Variants in DLGAP1 observed in about 807,000 individuals in gnomAD.
The protein encoded by DLGAP1 is disks large-associated protein 1.
A neutral mutation model predicts 90.8 loss-of-function variants in DLGAP1; 11 were observed. The ratio of observed to expected loss-of-function variants is 0.12; its 90% confidence interval spans 0.08 to 0.20. DLGAP1 has a LOEUF of 0.20. Among genes scored for constraint, DLGAP1 ranks in the 10% least tolerant of loss-of-function variants. The pLI is 1.00. For missense variants in DLGAP1, 1,050 were observed against 1,333.8 expected (o/e 0.79, Z 3.31); for synonymous variants, 558 against 540.7 (o/e 1.03, Z -0.44).
In DLGAP1 at chr18:4,241,773, C is replaced by T. The variant is rs546418479; in HGVS notation, c.-266-90486G>A. ...TTAGATTCCTACACATTGGTGTTGT[C>T]CTGAATATTTTGGAAAGAAACTTAG... On this transcript the variant is annotated intron_variant, in intron 1 of 12. Coordinates refer to ENST00000315677, the MANE Select transcript of DLGAP1 (RefSeq NM_004746.4). 2.6e-5 allele frequency among the ~76,000 whole-genome samples: 4 copies of T among 152,236 alleles called. No homozygotes were observed. The South Asian group carries it at 8.3e-4, about 32-fold the overall frequency.
chr18:4,172,038 T>C lies in DLGAP1; in HGVS notation c.-266-20751A>G, dbSNP rs112785492. Among the ~76,000 whole-genome samples, 204 of 152,324 alleles carry C rather than the reference T, an allele frequency of 1.3e-3. 1 individual carries two copies. The highest frequency in any genetic ancestry group is 4.5e-3 in the African/African-American group (187 of 41,582). ...AAGACAATCATTATGATAATGAGTTTTTTCCTTCCTTTTCAAAGAGTTTCA... is the reference window on the plus strand; with the variant it reads ...AAGACAATCATTATGATAATGAGTTCTTTCCTTCCTTTTCAAAGAGTTTCA... On this transcript the variant is annotated intron_variant, in intron 1 of 12. Coordinates refer to ENST00000315677, the MANE Select transcript of DLGAP1 (RefSeq NM_004746.4).
At chr18:3,686,637 AT>A (rs1248240782) in intron 7 of DLGAP1, among the ~76,000 whole-genome samples, 1 of 150,404 alleles carries the variant, frequency 6.6e-6, no homozygotes, top group African/African-American at 2.5e-5. Flanking sequence ...AAGTGAAGAG[AT>A]CTAGCCTAGA....
chr18:3,806,984 G>C (rs1411253121), intron 5 of DLGAP1, among the ~76,000 whole-genome samples: 2 of 152,184 alleles, frequency 1.3e-5, no homozygotes, highest in Non-Finnish European at 2.9e-5. Flanking sequence ...GCTGAACCCA[G>C]GCTCCTAAGA....
At chr18:4,288,502 G>A (rs1042817036) in intron 1 of DLGAP1, among the ~76,000 whole-genome samples, 3 of 152,056 alleles carry the variant, frequency 2.0e-5, no homozygotes, top group African/African-American at 7.2e-5. Context: ...TTATCTGAAG[G>A]GCAGCTCCAG....
chr18:3,943,256 T>G (rs1173358845), intron 3 of DLGAP1, among the ~76,000 whole-genome samples: 1 of 152,176 alleles, frequency 6.6e-6, no homozygotes, highest in African/African-American at 2.4e-5. Context: ...TAACTGTTTT[T>G]GAAAGAAGAA....
chr18:4,394,802 C>A (rs1331881242), intron 1 of DLGAP1, among the ~76,000 whole-genome samples: 1 of 152,084 alleles, frequency 6.6e-6, no homozygotes, highest in Non-Finnish European at 1.5e-5. Flanking sequence ...ATTTTTAGAT[C>A]TGTTTTCTCT....
intron 3 of DLGAP1, among the ~76,000 whole-genome samples, chr18:3,973,911 C>T (rs1381340830): frequency 6.6e-6 from 1 of 152,164 alleles, no homozygotes; most frequent in East Asian, 1.9e-4. Flanking sequence ...ACCTAGACGG[C>T]ATAGCCTACC....
At chr18:4,239,805 A>G (rs1025970638) in intron 1 of DLGAP1, among the ~76,000 whole-genome samples, 2 of 152,314 alleles carry the variant, frequency 1.3e-5, no homozygotes, top group Middle Eastern at 3.4e-3. Context: ...AAGGTTTACA[A>G]AGAGAGATTA....
At chr18:4,032,743 C>T (rs1045495726) in intron 2 of DLGAP1, among the ~76,000 whole-genome samples, 5 of 150,190 alleles carry the variant, frequency 3.3e-5, no homozygotes, top group Non-Finnish European at 7.4e-5. Flanking sequence ...TTTCTGAGCC[C>T]ATGTACTCCC....
chr18:3,613,840 A>G (rs1347866635), intron 7 of DLGAP1, among the ~76,000 whole-genome samples: 1 of 152,224 alleles, frequency 6.6e-6, no homozygotes, highest in Non-Finnish European at 1.5e-5. Flanking sequence ...TTAAAGACTT[A>G]AAATATGTAA....
intron 4 of DLGAP1, among the ~76,000 whole-genome samples, chr18:3,870,855 C>T (rs1329868464): frequency 6.6e-6 from 1 of 152,132 alleles, no homozygotes; most frequent in South Asian, 2.1e-4. Flanking sequence ...TCCTTTGCTA[C>T]GTGGTTTACC....
At chr18:4,024,496 C>A (rs978459446) in intron 2 of DLGAP1, among the ~76,000 whole-genome samples, 1 of 152,154 alleles carries the variant, frequency 6.6e-6, no homozygotes, top group Admixed American at 6.5e-5. Flanking sequence ...ACAAGACAGG[C>A]AAAGGGGACG....
rs533216947 is a variant in DLGAP1 at position 4,072,722 on chromosome 18, G to A, written c.-158-67521C>T. Among the ~76,000 whole-genome samples, 8 of 152,148 alleles carry A rather than the reference G, an allele frequency of 5.3e-5. No individual in the cohort carries two copies. The East Asian group carries it at 1.2e-3, about 22-fold the overall frequency. ...TGACCTCAAGTGATCCACCCACCTC[G>A]GCCTCCCAAAGTGCTGGGATTACAG... is the stretch of plus-strand genomic sequence containing the variant. On this transcript the variant is annotated intron_variant, in intron 2 of 12. Coordinates refer to ENST00000315677, the MANE Select transcript of DLGAP1 (RefSeq NM_004746.4).
At position 4,454,249 on chromosome 18, in the gene DLGAP1, C is replaced by A. The variant is rs1433544742; in HGVS notation, c.-267+757G>T. Among the ~76,000 whole-genome samples the A allele has an allele frequency of 6.6e-6, 1 of 152,212 alleles. No individual in the cohort carries two copies. The highest frequency in any genetic ancestry group is 6.5e-5 in the Admixed American group (1 of 15,286). ...TGAAAGTGCAATGTGTTATCTCGCC[C>A]AGCCCAGAGGAGAGGTCCCTGTTTG... is the stretch of plus-strand genomic sequence containing the variant. On this transcript the variant is annotated intron_variant, in intron 1 of 12. Coordinates refer to ENST00000315677, the MANE Select transcript of DLGAP1 (RefSeq NM_004746.4). The surrounding 1 kb of genome is among the most constrained non-coding windows in gnomAD (Gnocchi z 4.7).
intron 1 of DLGAP1, among the ~76,000 whole-genome samples, chr18:4,387,729 G>A (rs965417992): frequency 1.3e-5 from 2 of 152,118 alleles, no homozygotes; most frequent in African/African-American, 2.4e-5. Context: ...TCAGGAGTTC[G>A]GGACTAGCCT....
intron 2 of DLGAP1, among the ~76,000 whole-genome samples, chr18:4,041,771 A>G (rs1322758112): frequency 6.6e-6 from 1 of 152,206 alleles, no homozygotes; most frequent in East Asian, 1.9e-4. Context: ...TTTCCTACAA[A>G]AGATGGTGAC....
intron 9 of DLGAP1, among the ~76,000 whole-genome samples, chr18:3,555,106 AG>A (rs773208698): frequency 4.0e-4 from 61 of 152,314 alleles, no homozygotes; most frequent in Non-Finnish European, 7.1e-4. Flanking sequence ...TTGCTTTTTA[AG>A]ATCCTATCTA....
At chr18:4,435,132 G>A (rs546639636) in intron 1 of DLGAP1, among the ~76,000 whole-genome samples, 11 of 152,262 alleles carry the variant, frequency 7.2e-5, no homozygotes, top group Admixed American at 5.2e-4. Context: ...TTTGGAGGAG[G>A]ATAAAATTGA....
intron 1 of DLGAP1, among the ~76,000 whole-genome samples, chr18:4,218,112 ATTTT>A (rs11388163): frequency 7.3e-6 from 1 of 136,914 alleles, no homozygotes. Flanking sequence ...ATCTGTTAGA[ATTTT>A]TTTTTTTTTT....
Sources: allele counts gnomAD v4.1 joint callset (sites outside exome capture counted in the v4.1 genomes callset), GRCh38; gene constraint gnomAD v4.1.1; non-coding constraint Gnocchi (gnomAD v3.1); transcripts MANE v1.5; gene names NCBI Gene and HGNC (gene_info 2026-07-23, HGNC 2026-07-21).